The following LARP4B variants were observed in gnomAD, a reference collection of about 807,000 sequenced individuals.
The protein encoded by LARP4B is la-related protein 4B.
LARP4B carries 12 observed loss-of-function variants against 89.8 expected under a neutral mutation model. The observed-to-expected ratio is 0.13, with a 90% confidence interval of 0.09 to 0.22. LARP4B has a LOEUF of 0.22. Among genes scored for constraint, LARP4B ranks in the 10% least tolerant of loss-of-function variants. The pLI is 1.00. For missense variants in LARP4B, 757 were observed against 947.7 expected (o/e 0.80, Z 2.64); for synonymous variants, 367 against 363.3 (o/e 1.01, Z -0.12).
At chr10:913,363 A>T (rs1410573160) in intron 1 of LARP4B, among the ~76,000 whole-genome samples, 3 of 152,244 alleles carry the variant, frequency 2.0e-5, no homozygotes, top group Non-Finnish European at 2.9e-5. Context: ...AAAATATATG[A>T]AACACCTCTA....
At chr10:911,185 C>G (rs1836655162) in intron 1 of LARP4B, among the ~76,000 whole-genome samples, 1 of 152,132 alleles carries the variant, frequency 6.6e-6, no homozygotes, top group South Asian at 2.1e-4. Context: ...AATAATTAAT[C>G]TGTGTACCTA....
At chr10:865,935 C>T (rs773672300) in intron 3 of LARP4B, among the ~76,000 whole-genome samples, 8 of 152,158 alleles carry the variant, frequency 5.3e-5, no homozygotes, top group Non-Finnish European at 5.9e-5. Flanking sequence ...CCAGTTTCTG[C>T]GGCCCAGAAC....
chr10:877,384 A>AAAAACAAATGAAAC (rs11273941), intron 3 of LARP4B, among the ~76,000 whole-genome samples: 151,054 of 152,044 alleles, frequency 0.99, 75,045 homozygotes, highest in Middle Eastern at 1. Flanking sequence ...CTGTCTCTAA[A>AAAAACAAATGAAAC]AAAACAAACA....
At chr10:970,097 G>C in the LARP4B span, among the ~76,000 whole-genome samples, 1 of 152,172 alleles carries the variant, frequency 6.6e-6, no homozygotes, top group African/African-American at 2.4e-5. Flanking sequence ...ATGAAGTGTC[G>C]ACACAATGCT....
rs941682595 is a variant in LARP4B at position 885,697 on chromosome 10, C to T, written c.25G>A (p.Val9Ile). 1.2e-6 allele frequency: 2 copies of T among 1,614,142 alleles called. No individual in the cohort carries two copies. The highest frequency in any genetic ancestry group is 1.7e-5 in the Admixed American group (1 of 60,018). Residue 9 changes from valine (V) to isoleucine (I), a missense_variant, in exon 2 of 18, where the codon GTT becomes ATT. By Grantham distance (29) the Val-to-Ile change is conservative. Transcript: ENST00000316157. Reference protein sequence around the residue: MTSDQDAKVVAEPQTQRVQ... With the variant: MTSDQDAKIVAEPQTQRVQ... Reference sequence around the variant, plus strand: ...CTCTGCGTCTGCGGTTCAGCCACAACCTTAGCGTCCTGATCAGAAGTCATG... The same window carrying T: ...CTCTGCGTCTGCGGTTCAGCCACAATCTTAGCGTCCTGATCAGAAGTCATG...
chr10:878,558 G>A (rs1835547337), intron 3 of LARP4B, among the ~76,000 whole-genome samples: 1 of 152,176 alleles, frequency 6.6e-6, no homozygotes, highest in African/African-American at 2.4e-5. Context: ...GCTGTTTCAG[G>A]ATCTGGCAGT....
chr10:958,411 C>T, the LARP4B span, among the ~76,000 whole-genome samples: 12 of 152,226 alleles, frequency 7.9e-5, no homozygotes, highest in African/African-American at 2.9e-4. Flanking sequence ...TCCTGATGTT[C>T]TTCTCCTTTC....
At chr10:878,753 C>CT (rs1835556245) in intron 3 of LARP4B, among the ~76,000 whole-genome samples, 2 of 152,168 alleles carry the variant, frequency 1.3e-5, no homozygotes, top group Admixed American at 1.3e-4. Context: ...TGACTATTCT[C>CT]TCAGTACAAC....
chr10:829,540 A>G lies in LARP4B; in HGVS notation c.970T>C (p.Phe324Leu). 1 of 1,614,126 alleles carries G rather than the reference A, an allele frequency of 6.2e-7. No individual in the cohort carries two copies. The change falls in exon 11 of 18, where the codon TTT becomes CTT. Residue 324 changes from phenylalanine (F) to leucine (L), a missense_variant. This residue lies in a region of LARP4B where 137 missense variants were observed against 213.9 expected (regional missense o/e 0.64). Transcript: ENST00000316157. The part of the protein sequence containing the change: ...AINTFLPKNG[F>L]RPLDVSLYAQ... ...TACAGGCTCACGTCCAGGGGTCTAA[A>G]TCCATTCTTTGGCAAAAATGTGTTT... is the stretch of plus-strand genomic sequence containing the variant.
the LARP4B span, among the ~76,000 whole-genome samples, chr10:983,091 C>G: frequency 6.6e-6 from 1 of 152,204 alleles, no homozygotes; most frequent in Admixed American, 6.5e-5. Context: ...ATTTTCTAAA[C>G]TTAAGTATTT....
rs764759943 is a variant in LARP4B at position 864,154 on chromosome 10, C to T, written c.258G>A (p.Val86=). 105 of 1,614,076 alleles carry T rather than the reference C, an allele frequency of 6.5e-5. No homozygotes were observed. The highest frequency in any genetic ancestry group is 8.3e-5 in the Admixed American group (5 of 60,014). Reference sequence around the variant, plus strand: ...GGCCACGGTCTGCGTGGTGGCCAGCCACCTCCTCCCATGCAGCACTCACAC... The same window carrying T: ...GGCCACGGTCTGCGTGGTGGCCAGCTACCTCCTCCCATGCAGCACTCACAC... ...ADGVSAAWEE[V]AGHHADRGPQ... Residue 86 remains valine (V), a synonymous_variant, in exon 4 of 18, where the codon GTG becomes GTA. Transcript: ENST00000316157.
chr10:987,430 T>C, the LARP4B span: 1 of 152,184 alleles, frequency 6.6e-6, no homozygotes, highest in South Asian at 2.1e-4. Flanking sequence ...GTATAGCTAA[T>C]GGTTAGAAGC....
At chr10:933,546 G>C (rs1471998573), upstream of LARP4B, among the ~76,000 whole-genome samples, 1 of 152,146 alleles carries the variant, frequency 6.6e-6, no homozygotes, top group African/African-American at 2.4e-5. Flanking sequence ...TTGCATCCTA[G>C]CTTTAAGGGA....
chr10:844,474 C>A (rs566994951), intron 6 of LARP4B, among the ~76,000 whole-genome samples: 2 of 152,174 alleles, frequency 1.3e-5, no homozygotes, highest in African/African-American at 4.8e-5. Flanking sequence ...ACCTTATACA[C>A]GGCCCATCGG....
At chr10:850,555 G>A (rs1202573920) in intron 5 of LARP4B, among the ~76,000 whole-genome samples, 2 of 152,154 alleles carry the variant, frequency 1.3e-5, no homozygotes, top group African/African-American at 4.8e-5. Context: ...TTCAATAGTT[G>A]ACAGAACAAG....
intron 1 of LARP4B, among the ~76,000 whole-genome samples, chr10:915,090 G>A (rs1836783621): frequency 6.6e-6 from 1 of 152,142 alleles, no homozygotes; most frequent in South Asian, 2.1e-4. Context: ...ATTTTAAGTG[G>A]TTGTAAAAAG....
At chr10:973,456 A>C in the LARP4B span, among the ~76,000 whole-genome samples, 1 of 151,760 alleles carries the variant, frequency 6.6e-6, no homozygotes, top group Non-Finnish European at 1.5e-5. Context: ...GGGTCACACC[A>C]TTCTCCTGCC....
At chr10:888,051 G>T (rs1835914091) in intron 1 of LARP4B, among the ~76,000 whole-genome samples, 1 of 151,756 alleles carries the variant, frequency 6.6e-6, no homozygotes, top group Non-Finnish European at 1.5e-5. Flanking sequence ...CAGGTGCAGT[G>T]GCTCACGCCT....
intron 8 of LARP4B, among the ~76,000 whole-genome samples, chr10:835,846 T>C (rs1315867873): frequency 6.6e-6 from 1 of 151,848 alleles, no homozygotes; most frequent in Non-Finnish European, 1.5e-5. Flanking sequence ...GGCAGGAGAA[T>C]TGCTTGAGCC....
Sources: allele counts gnomAD v4.1 joint callset (sites outside exome capture counted in the v4.1 genomes callset), GRCh38; gene constraint gnomAD v4.1.1; regional missense constraint gnomAD v4.1.1; transcripts MANE v1.5; gene names NCBI Gene and HGNC (gene_info 2026-07-23, HGNC 2026-07-21).